The following GRIK1 variants were observed in gnomAD, a reference collection of about 807,000 sequenced individuals.
GRIK1 encodes the protein glutamate ionotropic receptor kainate type subunit 1.
A neutral mutation model predicts 105.7 loss-of-function variants in GRIK1; 69 were observed. That is an observed-to-expected ratio of 0.65 (90% CI 0.54 to 0.80). The LOEUF is 0.80. Ranked by LOEUF, GRIK1 falls within the 30% of genes least tolerant of loss-of-function variation. The pLI, the probability that GRIK1 is intolerant of heterozygous loss-of-function variation, is 0.00. For missense variants in GRIK1, 1,109 were observed against 1,167.3 expected, an observed-to-expected ratio of 0.95 and a Z score of 0.73; for synonymous variants, 438 against 431.3, an observed-to-expected ratio of 1.02 and a Z score of -0.19.
At chr21:29,939,141 T>C (rs1241506251) in intron 1 of GRIK1, among the ~76,000 whole-genome samples, 1 of 152,092 alleles carries the variant, frequency 6.6e-6, no homozygotes. Context: ...CTAGCCCGCG[T>C]TCCTGGAGCC....
chr21:29,735,173 TCTCCAG>T (rs1434202778), intron 1 of GRIK1, among the ~76,000 whole-genome samples: 1 of 152,174 alleles, frequency 6.6e-6, no homozygotes, highest in African/African-American at 2.4e-5. Flanking sequence ...TCATCGTGGA[TCTCCAG>T]AGCCTAAAAA....
At chr21:29,750,435 T>A (rs2065163949) in intron 1 of GRIK1, among the ~76,000 whole-genome samples, 1 of 152,124 alleles carries the variant, frequency 6.6e-6, no homozygotes, top group Admixed American at 6.5e-5. Flanking sequence ...ACAGGAGGCA[T>A]CTGGTAGGGA....
chr21:29,809,687 T>C (rs2066958242), intron 1 of GRIK1, among the ~76,000 whole-genome samples: 1 of 152,224 alleles, frequency 6.6e-6, no homozygotes, highest in African/African-American at 2.4e-5. Context: ...ACTTGACTAA[T>C]TGGTGCAAGA....
intron 1 of GRIK1, among the ~76,000 whole-genome samples, chr21:29,805,962 A>C (rs1320642742): frequency 6.6e-6 from 1 of 152,158 alleles, no homozygotes; most frequent in African/African-American, 2.4e-5. Flanking sequence ...GTTGCCATAT[A>C]AGAAACCAAA....
chr21:29,663,341 C>T (rs952361893), intron 4 of GRIK1, among the ~76,000 whole-genome samples: 1 of 152,162 alleles, frequency 6.6e-6, no homozygotes, highest in Non-Finnish European at 1.5e-5. Context: ...CATCAATCCA[C>T]CTGCCAGAGT....
intron 14 of GRIK1, among the ~76,000 whole-genome samples, chr21:29,566,089 TA>T (rs1362676712): frequency 6.6e-6 from 1 of 152,244 alleles, no homozygotes; most frequent in Non-Finnish European, 1.5e-5. Flanking sequence ...CAAATCTTAG[TA>T]ATTCTTAAAA....
At chr21:29,674,373 A>C (rs2063225476) in intron 3 of GRIK1, among the ~76,000 whole-genome samples, 1 of 151,668 alleles carries the variant, frequency 6.6e-6, no homozygotes, top group African/African-American at 2.4e-5. Flanking sequence ...ATGTACAATA[A>C]ATTTATAATG....
At position 29,641,549 on chromosome 21, in the gene GRIK1, C is replaced by G. The variant is rs183197488; in HGVS notation, c.1098+1277G>C. ...CAATAGACTTGCCCAGGTTATATTGCTCATCAGTGTTAGTGGAACTAAGAT... is the reference window on the plus strand; with the variant it reads ...CAATAGACTTGCCCAGGTTATATTGGTCATCAGTGTTAGTGGAACTAAGAT... On this transcript the variant is annotated intron_variant, in intron 7 of 17. Coordinates refer to ENST00000327783, the MANE Select transcript of GRIK1 (RefSeq NM_001330994.2). Among the ~76,000 whole-genome samples, 176 of 152,260 alleles carry G rather than the reference C, an allele frequency of 1.2e-3. 2 individuals are homozygous for G. Among genetic ancestry groups the G allele is most frequent in the Non-Finnish European group, 1.8e-3 (124 of 68,014 alleles).
intron 1 of GRIK1, among the ~76,000 whole-genome samples, chr21:29,921,296 G>T (rs1415986706): frequency 1.3e-5 from 2 of 152,166 alleles, no homozygotes; most frequent in Non-Finnish European, 2.9e-5. Flanking sequence ...AATGGAAAGG[G>T]TGCTGTTGAA....
intron 1 of GRIK1, among the ~76,000 whole-genome samples, chr21:29,797,069 CTT>C (rs2066578555): frequency 6.6e-6 from 1 of 152,238 alleles, no homozygotes; most frequent in South Asian, 2.1e-4. Flanking sequence ...GAAGGTGAAA[CTT>C]TCCTATTATC....
At chr21:29,688,486 G>A (rs2063526224) in intron 3 of GRIK1, among the ~76,000 whole-genome samples, 2 of 152,008 alleles carry the variant, frequency 1.3e-5, no homozygotes, top group Admixed American at 6.6e-5. Flanking sequence ...TACAAAATGT[G>A]TAGATCAAGG....
intron 15 of GRIK1, among the ~76,000 whole-genome samples, chr21:29,557,705 A>G (rs1568808384): frequency 6.6e-6 from 1 of 152,212 alleles, no homozygotes; most frequent in African/African-American, 2.4e-5. Flanking sequence ...ATGGATATTG[A>G]AAACAAAATT....
intron 1 of GRIK1, among the ~76,000 whole-genome samples, chr21:29,794,737 T>C (rs1010741190): frequency 2.6e-4 from 40 of 152,280 alleles, no homozygotes; most frequent in Admixed American, 4.6e-4. Context: ...TTGTTTTTCA[T>C]GGTAAAGAGA....
chr21:29,719,227 G>A (rs2064259308), intron 1 of GRIK1, among the ~76,000 whole-genome samples: 1 of 149,980 alleles, frequency 6.7e-6, no homozygotes, highest in Non-Finnish European at 1.5e-5. Flanking sequence ...TTTTTATCTG[G>A]TATTTTTATC....
rs2062728075 is a variant in GRIK1 at position 29,651,182 on chromosome 21, C to T, written c.890G>A (p.Trp297Ter). 6.2e-7 allele frequency: 1 copy of T among 1,613,834 alleles called. No homozygotes were observed. Among genetic ancestry groups the T allele is most frequent in the African/African-American group, 1.3e-5 (1 of 74,914 alleles). ...TGGGGCCTGCAGTCTCTCCATGGAC[C>T]ACTTCTCAATGATGGATGACACGTG... ...NPHVSSIIEKWSMERLQAPPR... is the reference protein window; with the variant it reads ...NPHVSSIIEK The change falls in exon 6 of 18, where the codon TGG becomes TAG. Residue 297 changes from tryptophan to a stop codon, truncating the protein, a stop_gained. Transcript: ENST00000327783. LOFTEE classifies it high-confidence loss of function.
intron 1 of GRIK1, among the ~76,000 whole-genome samples, chr21:29,745,917 C>T (rs1290877764): frequency 6.6e-6 from 1 of 152,090 alleles, no homozygotes; most frequent in African/African-American, 2.4e-5. Flanking sequence ...TCCTGGCTAA[C>T]ACAGTGAAAC....
chr21:29,835,231 C>A (rs1283314172), intron 1 of GRIK1, among the ~76,000 whole-genome samples: 1 of 152,198 alleles, frequency 6.6e-6, no homozygotes, highest in Non-Finnish European at 1.5e-5. Flanking sequence ...ACCTACCCTA[C>A]TAGCCTGCAG....
chr21:29,580,253 A>C (rs2090999236), intron 13 of GRIK1, among the ~76,000 whole-genome samples: 1 of 151,268 alleles, frequency 6.6e-6, no homozygotes, highest in Non-Finnish European at 1.5e-5. Flanking sequence ...GTAATTGCTC[A>C]CAAGATAAAT....
chr21:29,921,029 C>T (rs899069754), intron 1 of GRIK1, among the ~76,000 whole-genome samples: 1 of 152,222 alleles, frequency 6.6e-6, no homozygotes, highest in African/African-American at 2.4e-5. Context: ...AAAATTCAAC[C>T]TCAGCACTGT....
Sources: gnomAD v4.1 joint callset for allele counts (sites outside exome capture counted in the v4.1 genomes callset) on GRCh38, gnomAD v4.1.1 for gene constraint, MANE v1.5 for transcripts, NCBI Gene and HGNC (gene_info 2026-07-23, HGNC 2026-07-21) for gene names.